Variants in INTS7 observed in about 807,000 individuals in gnomAD.
INTS7 encodes the protein integrator complex subunit 7, also known as chromosome 1 open reading frame 73.
Under a neutral mutation model 109.2 loss-of-function variants are expected in INTS7, and 46 were observed. That is an observed-to-expected ratio of 0.42 (90% CI 0.33 to 0.54). The LOEUF is 0.54. Among genes scored for constraint, INTS7 ranks in the 20% least tolerant of loss-of-function variants. The pLI is 0.07. For missense variants in INTS7, 929 were observed against 1,132.4 expected (o/e 0.82, Z 2.58); for synonymous variants, 412 against 402.9 (o/e 1.02, Z -0.27).
chr1:211,984,734 G>A (rs1664819244), intron 8 of INTS7, among the ~76,000 whole-genome samples: 1 of 152,094 alleles, frequency 6.6e-6, no homozygotes, highest in African/African-American at 2.4e-5. Context: ...AGCTTCTTGT[G>A]TATCATTCCA....
chr1:212,010,683 C>T (rs965202999), intron 5 of INTS7, among the ~76,000 whole-genome samples: 7 of 152,140 alleles, frequency 4.6e-5, no homozygotes, highest in Non-Finnish European at 7.4e-5. Context: ...CAATATATTA[C>T]CTTTTCTACC....
At chr1:211,982,653 A>G (rs369462681) in intron 9 of INTS7, 23 bp downstream of exon 9, 70 of 1,539,750 alleles carry the variant, frequency 4.5e-5, no homozygotes, top group Non-Finnish European at 5.9e-5. Context: ...TTTATACGTA[A>G]TATCAGTCCT....
At chr1:212,025,235 C>T (rs1206184909) in intron 1 of INTS7, among the ~76,000 whole-genome samples, 1 of 152,154 alleles carries the variant, frequency 6.6e-6, no homozygotes, top group Non-Finnish European at 1.5e-5. Flanking sequence ...TGAAGGACTA[C>T]ACTTAACTTA....
chr1:211,981,020 T>C, intron 10 of INTS7, 73 bp downstream of exon 10: 4 of 797,638 alleles, frequency 5.0e-6, no homozygotes, highest in Non-Finnish European at 8.3e-6. Flanking sequence ...GAGCTATGTC[T>C]GCTTAACTTT....
rs1235537987 is a variant in INTS7, at chr1:211,999,523, T to C, written c.879+7116A>G. On this transcript the variant is annotated intron_variant, in intron 7 of 19. Transcript: ENST00000366994. ...ATGAAAATGTTCTGTATCTCAATTG[T>C]GGTGGTGGTTTTGTACATTTGTAAA... Among the ~76,000 whole-genome samples the C allele has an allele frequency of 4.6e-5, 7 of 152,294 alleles. No individual in the cohort carries two copies. In the East Asian group the frequency reaches 1.4e-3, roughly 29 times the overall value.
intron 4 of INTS7, among the ~76,000 whole-genome samples, chr1:212,016,402 C>CA (rs1225826665): frequency 6.6e-6 from 1 of 152,060 alleles, no homozygotes. Flanking sequence ...TCCTCCTGCC[C>CA]AAAACAAAAT....
chr1:211,956,720 G>A (rs1054986397), intron 16 of INTS7, among the ~76,000 whole-genome samples: 4 of 151,960 alleles, frequency 2.6e-5, no homozygotes, highest in African/African-American at 7.2e-5. Flanking sequence ...AGCATGTTTC[G>A]GAGGGCACGC....
intron 1 of INTS7, among the ~76,000 whole-genome samples, chr1:212,030,176 C>T (rs76932472): frequency 0.028 from 4,199 of 152,156 alleles, 150 homozygotes; most frequent in East Asian, 0.12. Flanking sequence ...TCAGTAAAAA[C>T]TTGAATTTTT....
At chr1:211,957,511 A>T (rs1164193691) in intron 16 of INTS7, among the ~76,000 whole-genome samples, 3 of 152,138 alleles carry the variant, frequency 2.0e-5, no homozygotes, top group Admixed American at 6.5e-5. Flanking sequence ...ACACCACTGT[A>T]CTCCAGCCTG....
chr1:212,020,640 G>T, intron 2 of INTS7: 1 of 536,036 alleles, frequency 1.9e-6, no homozygotes, highest in Non-Finnish European at 2.4e-6. Flanking sequence ...ATGAGCACGA[G>T]TGCATGGAGA....
chr1:211,954,092 C>T (rs867673793), intron 16 of INTS7, among the ~76,000 whole-genome samples: 3,925 of 152,302 alleles, frequency 0.026, 56 homozygotes, highest in African/African-American at 0.045. Context: ...GATTGCCATT[C>T]TAACTGGTGT....
intron 12 of INTS7, among the ~76,000 whole-genome samples, chr1:211,975,957 GT>G (rs5780669): frequency 0.96 from 144,074 of 150,644 alleles, 69,007 homozygotes; most frequent in East Asian, 1. Context: ...TATCCCCAAG[GT>G]TTTTTTTTTT....
Position 211,982,826 on chromosome 1 carries a change from A to G in INTS7, c.998-16T>C. On this transcript the variant is annotated splice_polypyrimidine_tract_variant and intron_variant, in intron 8 of 19. Coordinates refer to ENST00000366994, the MANE Select transcript of INTS7 (RefSeq NM_015434.4). Reference sequence around the variant, plus strand: ...CTCACATTTCCTAAAAAAGCAGAGAAAAGTAGTAGAAATTGTAATTCAAAT... The same window carrying G: ...CTCACATTTCCTAAAAAAGCAGAGAGAAGTAGTAGAAATTGTAATTCAAAT... 2 of 1,588,084 alleles carry G rather than the reference A, an allele frequency of 1.3e-6. No individual in the cohort carries two copies. The highest frequency in any genetic ancestry group is 1.7e-6 in the Non-Finnish European group (2 of 1,163,880).
chr1:211,980,871 C>T (rs570127574), intron 10 of INTS7, among the ~76,000 whole-genome samples: 2 of 152,260 alleles, frequency 1.3e-5, no homozygotes, highest in African/African-American at 4.8e-5. Context: ...TTAATGAACG[C>T]TTATGTTAAA....
At chr1:211,999,125 T>C (rs1665544730) in intron 7 of INTS7, among the ~76,000 whole-genome samples, 1 of 152,226 alleles carries the variant, frequency 6.6e-6, no homozygotes. Flanking sequence ...AACCCAGCAA[T>C]TCCATTTCTA....
intron 7 of INTS7, among the ~76,000 whole-genome samples, chr1:212,000,497 C>T (rs879475025): frequency 6.6e-6 from 1 of 152,158 alleles, no homozygotes; most frequent in Non-Finnish European, 1.5e-5. Context: ...CCCAACCCTA[C>T]AATCTGTCAA....
intron 1 of INTS7, among the ~76,000 whole-genome samples, chr1:212,032,236 A>C (rs115798829): frequency 0.011 from 1,641 of 152,270 alleles, 30 homozygotes; most frequent in African/African-American, 0.037. Flanking sequence ...TCTCGGTCTA[A>C]GCCACTATTT....
At chr1:212,001,836 GC>G (rs754541297) in intron 7 of INTS7, among the ~76,000 whole-genome samples, 27 of 152,188 alleles carry the variant, frequency 1.8e-4, no homozygotes, top group Admixed American at 2.6e-4. Context: ...TCCTTTTCAG[GC>G]CCCTTTGCTG....
chr1:212,006,895 T>G (rs1156238382), intron 6 of INTS7, 134 bp from the exon 7 acceptor site: 20 of 698,582 alleles, frequency 2.9e-5, no homozygotes, highest in Non-Finnish European at 4.5e-5. Context: ...ACTAGCTATG[T>G]GCCCACATTT....
Sources: allele counts gnomAD v4.1 joint callset (sites outside exome capture counted in the v4.1 genomes callset), GRCh38; gene constraint gnomAD v4.1.1; transcripts MANE v1.5; gene names NCBI Gene and HGNC (gene_info 2026-07-23, HGNC 2026-07-21).